MYO16: variants seen among roughly 807,000 people sequenced by gnomAD.
MYO16 encodes the protein myosin XVI, also known as unconventional myosin-XVI.
A neutral mutation model predicts 205.3 loss-of-function variants in MYO16; 94 were observed. That is an observed-to-expected ratio of 0.46 (90% CI 0.39 to 0.54). MYO16 has a LOEUF of 0.54. Ranked by LOEUF, MYO16 falls within the 20% of genes least tolerant of loss-of-function variation. MYO16 has a pLI of 0.00. For synonymous variants in MYO16, 988 were observed against 954.0 expected, an observed-to-expected ratio of 1.04 and a Z score of -0.66; for missense variants, 2,315 against 2,387.5, an observed-to-expected ratio of 0.97 and a Z score of 0.63.
chr13:108,706,842 A>G (rs1883528710), intron 2 of MYO16, among the ~76,000 whole-genome samples: 1 of 152,208 alleles, frequency 6.6e-6, no homozygotes, highest in South Asian at 2.1e-4. Flanking sequence ...AGCCATGGCC[A>G]AAGTGACATG....
In MYO16 at chr13:109,207,716, T is replaced by A. The variant is rs577221763; in HGVS notation, c.*880T>A. On this transcript the variant is annotated 3_prime_UTR_variant, in exon 35 of 35. Transcript: ENST00000457511. ...CGGTGGTGTAAAATGATCATATTCA[T>A]TCAAAGGCCTACACAGTACAAATGA... is the stretch of plus-strand genomic sequence containing the variant. 6.6e-6 allele frequency: 1 copy of A among 152,374 alleles called. No homozygotes were observed. The highest frequency in any genetic ancestry group is 1.9e-4 in the East Asian group (1 of 5,190). 9.4% of individuals were successfully genotyped at this position (152,374 alleles called of 1,614,324 possible). A position where few individuals can be genotyped will look rare whatever the true frequency, so the allele number is the denominator to read the frequency against.
At chr13:109,089,349 A>G (rs916323999) in intron 27 of MYO16, among the ~76,000 whole-genome samples, 1 of 151,800 alleles carries the variant, frequency 6.6e-6, no homozygotes, top group African/African-American at 2.4e-5. Context: ...GAGTAGCTGG[A>G]ATTACAGGTG....
At chr13:109,006,515 C>T (rs1885391420) in intron 21 of MYO16, among the ~76,000 whole-genome samples, 1 of 152,176 alleles carries the variant, frequency 6.6e-6, no homozygotes, top group African/African-American at 2.4e-5. Context: ...GCTGGGGTTA[C>T]AGGTGTGAGC....
intron 3 of MYO16, among the ~76,000 whole-genome samples, chr13:108,726,557 C>CAA (rs756271184): frequency 1.2e-4 from 13 of 108,238 alleles, no homozygotes; most frequent in African/African-American, 3.8e-4. Context: ...GACTCTGTTT[C>CAA]AAAAAAAAAA....
At chr13:108,738,757 A>T (rs1300659117) in intron 4 of MYO16, among the ~76,000 whole-genome samples, 1 of 152,010 alleles carries the variant, frequency 6.6e-6, no homozygotes, top group African/African-American at 2.4e-5. Flanking sequence ...TCCCATTATT[A>T]TTGTGTGCAA....
intron 23 of MYO16, among the ~76,000 whole-genome samples, chr13:109,020,172 G>A (rs546052520): frequency 6.6e-6 from 1 of 152,100 alleles, no homozygotes; most frequent in Non-Finnish European, 1.5e-5. Flanking sequence ...GGATCCCTGG[G>A]TTTAATACAA....
chr13:108,725,723 G>A (rs9520991), intron 3 of MYO16, among the ~76,000 whole-genome samples: 35,892 of 151,928 alleles, frequency 0.24, 5,191 homozygotes, highest in East Asian at 0.54. Flanking sequence ...AGCACTTGAG[G>A]GAGGCATTCT....
At chr13:108,690,005 G>C (rs1377412041) in intron 2 of MYO16, among the ~76,000 whole-genome samples, 1 of 152,106 alleles carries the variant, frequency 6.6e-6, no homozygotes, top group Non-Finnish European at 1.5e-5. Flanking sequence ...CTCATCTGAT[G>C]TCCCACTACT....
chr13:108,941,395 C>A (rs1173462976), intron 16 of MYO16, among the ~76,000 whole-genome samples: 1 of 152,094 alleles, frequency 6.6e-6, no homozygotes, highest in Non-Finnish European at 1.5e-5. Flanking sequence ...AATAAAATCA[C>A]CCCGACAAGA....
At chr13:109,150,304 T>C (rs1877584354) in intron 32 of MYO16, among the ~76,000 whole-genome samples, 1 of 152,116 alleles carries the variant, frequency 6.6e-6, no homozygotes, top group African/African-American at 2.4e-5. Context: ...CATGACTAAA[T>C]AAAGCCAGGG....
chr13:108,649,190 G>A (rs565136175), intron 1 of MYO16, among the ~76,000 whole-genome samples: 33 of 151,822 alleles, frequency 2.2e-4, no homozygotes, highest in Middle Eastern at 6.8e-3. Context: ...TAACCTGCAC[G>A]TTGTGCACAT....
chr13:108,781,679 TCC>T (rs1886308728), intron 4 of MYO16, among the ~76,000 whole-genome samples: 1 of 151,162 alleles, frequency 6.6e-6, no homozygotes, highest in South Asian at 2.1e-4. Context: ...TTTGCCTGTG[TCC>T]CCACCCAAAT....
At chr13:108,732,236 C>T (rs529787427) in intron 4 of MYO16, among the ~76,000 whole-genome samples, 1 of 152,244 alleles carries the variant, frequency 6.6e-6, no homozygotes, top group South Asian at 2.1e-4. Context: ...TTTATTAAAT[C>T]TGTGGTAGCC....
At chr13:108,615,193 G>GA (rs1879307660) in intron 1 of MYO16, among the ~76,000 whole-genome samples, 1 of 151,904 alleles carries the variant, frequency 6.6e-6, no homozygotes, top group African/African-American at 2.4e-5. Flanking sequence ...AATAAGGAGA[G>GA]AAAAAGATGA....
chr13:109,156,914 C>G (rs1358887361), intron 32 of MYO16, among the ~76,000 whole-genome samples: 3 of 152,226 alleles, frequency 2.0e-5, no homozygotes, highest in Non-Finnish European at 4.4e-5. Flanking sequence ...TCTCTCCTAG[C>G]TGTTTCCTTT....
intron 2 of MYO16, among the ~76,000 whole-genome samples, chr13:108,695,312 G>A (rs1429892036): frequency 6.6e-6 from 1 of 152,126 alleles, no homozygotes; most frequent in East Asian, 1.9e-4. Context: ...TGGAACCCTT[G>A]TTGAAAATCT....
At chr13:108,860,564 T>C (rs891064406) in intron 11 of MYO16, among the ~76,000 whole-genome samples, 2 of 152,216 alleles carry the variant, frequency 1.3e-5, no homozygotes, top group African/African-American at 2.4e-5. Context: ...ATTCTGCTTT[T>C]AGCTCTTTGA....
intron 29 of MYO16, among the ~76,000 whole-genome samples, chr13:109,121,476 G>A (rs572837697): frequency 1.3e-5 from 2 of 152,300 alleles, no homozygotes; most frequent in South Asian, 4.2e-4. Flanking sequence ...TCTCTAACTG[G>A]CAACATCCTC....
At chr13:109,084,295 T>C (rs1176638554) in intron 27 of MYO16, among the ~76,000 whole-genome samples, 1 of 152,192 alleles carries the variant, frequency 6.6e-6, no homozygotes, top group African/African-American at 2.4e-5. Flanking sequence ...ATCTGTTCCC[T>C]ATACATGGAA....
Sources: gnomAD v4.1 joint callset for allele counts (sites outside exome capture counted in the v4.1 genomes callset) on GRCh38, gnomAD v4.1.1 for gene constraint, MANE v1.5 for transcripts, NCBI Gene and HGNC (gene_info 2026-07-23, HGNC 2026-07-21) for gene names.